The following SVEP1 variants were observed in gnomAD, a reference collection of about 807,000 sequenced individuals.
SVEP1 encodes the protein sushi, von Willebrand factor type A, EGF and pentraxin domain-containing protein 1.
In SVEP1, 164 loss-of-function variants were observed where a neutral mutation model predicts 367.3. That is an observed-to-expected ratio of 0.45 (90% CI 0.39 to 0.51). The LOEUF (loss-of-function observed/expected upper bound fraction) is 0.51, where lower values mean the gene tolerates loss of function less well. Ranked by LOEUF, SVEP1 falls within the 20% of genes least tolerant of loss-of-function variation. SVEP1 has a pLI of 0.00. For synonymous variants in SVEP1, 1,666 were observed against 1,611.6 expected (o/e 1.03, Z -0.81); for missense variants, 4,117 against 4,425.3 (o/e 0.93, Z 1.98).
chr9:110,492,330 A>G (rs1829377929), intron 8 of SVEP1, among the ~76,000 whole-genome samples: 1 of 152,108 alleles, frequency 6.6e-6, no homozygotes, highest in African/African-American at 2.4e-5. Context: ...TATATTAATT[A>G]ATCTATAATA....
chr9:110,401,101 C>T, intron 39 of SVEP1, 92 bp from the exon 40 acceptor site: 2 of 1,492,546 alleles, frequency 1.3e-6, no homozygotes, highest in South Asian at 1.2e-5. Context: ...GCAGAATAAT[C>T]TCCAAAATGA....
At chr9:110,484,204 A>G (rs908783729) in intron 9 of SVEP1, among the ~76,000 whole-genome samples, 31 of 152,290 alleles carry the variant, frequency 2.0e-4, no homozygotes, top group African/African-American at 7.0e-4. Flanking sequence ...TGAGTGGCCT[A>G]TTGCTGGGAG....
intron 16 of SVEP1, 52 bp downstream of exon 16, chr9:110,471,312 T>C (rs533167039): frequency 2.1e-6 from 3 of 1,450,452 alleles, no homozygotes; most frequent in Non-Finnish European, 2.9e-6. Flanking sequence ...TACACCCATC[T>C]CATTTGACCC....
chr9:110,394,399 G>A (rs1229414781), intron 40 of SVEP1, among the ~76,000 whole-genome samples: 2 of 152,004 alleles, frequency 1.3e-5, no homozygotes, highest in Admixed American at 1.3e-4. Context: ...ACAAAGATGG[G>A]AAAAAAACAG....
At position 110,458,579 on chromosome 9, in the gene SVEP1, A is replaced by G. The variant is rs1193277980; in HGVS notation, c.3485-17T>C. ...AACTAAAACCTAATCAATTAATAGA[A>G]AAACATGTCAGTGTGGCAAATATGC... On this transcript the variant is annotated splice_polypyrimidine_tract_variant and intron_variant, in intron 19 of 47. Transcript: ENST00000374469. The G allele has an allele frequency of 1.3e-6, 2 of 1,596,010 alleles. No homozygotes were observed. Among genetic ancestry groups the G allele is most frequent in the East Asian group, 2.2e-5 (1 of 44,464 alleles).
intron 3 of SVEP1, among the ~76,000 whole-genome samples, chr9:110,528,156 G>GTGTGTATATATATATATATA: frequency 9.7e-4 from 33 of 33,926 alleles, no homozygotes; most frequent in South Asian, 1.9e-3. Flanking sequence ...GTGTGTGTGT[G>GTGTGTATATATATATATATA]TATATATATA....
intron 40 of SVEP1, among the ~76,000 whole-genome samples, chr9:110,390,765 A>G (rs1316111937): frequency 6.6e-6 from 1 of 152,128 alleles, no homozygotes; most frequent in Non-Finnish European, 1.5e-5. Flanking sequence ...GAAATATTGA[A>G]TTAATTAGTC....
intron 46 of SVEP1, among the ~76,000 whole-genome samples, chr9:110,373,893 GTTTTTTACTAATCAATCAACTACCA>G (rs1315275161): frequency 6.6e-6 from 1 of 152,138 alleles, no homozygotes; most frequent in African/African-American, 2.4e-5. Context: ...CTAACAGGAT[GTTTTTTACTAATCAATCAACTACCA>G]TTTGTTACTG....
chr9:110,496,839 T>C lies in SVEP1; in HGVS notation c.1776A>G (p.Thr592=), dbSNP rs1477348246. Residue 592 remains threonine (T), a synonymous_variant, in exon 8 of 48, where the codon ACA becomes ACG. Transcript: ENST00000374469. ...CCTTTTCACCAGAGTTGTCTTTAGC[T>C]GTTGGAATCTGCCAGGTAACATTGG... ...DSANVTWQIP[T]AKDNSGEKVS... 5 of 1,556,824 alleles carry C rather than the reference T, an allele frequency of 3.2e-6. No individual in the cohort carries two copies. Among genetic ancestry groups the C allele is most frequent in the Non-Finnish European group, 4.4e-6 (5 of 1,148,874 alleles).
chr9:110,403,777 G>A (rs1688093565), intron 39 of SVEP1, among the ~76,000 whole-genome samples: 1 of 151,836 alleles, frequency 6.6e-6, no homozygotes, highest in Non-Finnish European at 1.5e-5. Context: ...GAAAGACCAA[G>A]GTTGTAGAAG....
chr9:110,459,652 A>G (rs1020358358), intron 18 of SVEP1, among the ~76,000 whole-genome samples: 2 of 152,126 alleles, frequency 1.3e-5, no homozygotes, highest in African/African-American at 4.8e-5. Context: ...AGGTCTAAAG[A>G]TTTGAAAAGA....
chr9:110,429,033 C>T (rs1156402659), intron 35 of SVEP1, 110 bp downstream of exon 35: 3 of 914,898 alleles, frequency 3.3e-6, no homozygotes, highest in Non-Finnish European at 4.7e-6. Flanking sequence ...TGCGCCACTG[C>T]ACTCTAGCCT....
chr9:110,383,285 C>T (rs185264830), intron 43 of SVEP1, among the ~76,000 whole-genome samples: 21 of 145,570 alleles, frequency 1.4e-4, no homozygotes, highest in African/African-American at 5.5e-4. Flanking sequence ...GTTGTTGCTG[C>T]TTTCTCTTTG....
intron 40 of SVEP1, among the ~76,000 whole-genome samples, chr9:110,390,851 C>T (rs1218073129): frequency 1.3e-5 from 2 of 152,062 alleles, no homozygotes; most frequent in Admixed American, 6.6e-5. Context: ...GAAATACCAA[C>T]AGTAGAAAGA....
At chr9:110,574,839 G>A (rs554536994) in intron 1 of SVEP1, among the ~76,000 whole-genome samples, 16 of 140,908 alleles carry the variant, frequency 1.1e-4, no homozygotes, top group Non-Finnish European at 2.1e-4. Context: ...TCCGCCTCCC[G>A]GGTTCACGCC....
rs769671963 is a variant in SVEP1, at chr9:110,550,072, T to G, written c.564A>C (p.Thr188=). The G allele has an allele frequency of 2.5e-6, 4 of 1,614,004 alleles. No individual in the cohort carries two copies. The Admixed American group carries it at 6.7e-5, about 27-fold the overall frequency. ...CATCAGTGATGAGAAATACAACTTT[T>G]GTTGAGTTTTCTCTAGCATGAAGAA... is the stretch of plus-strand genomic sequence containing the variant. The part of the protein sequence containing the change: ...QILLHARENS[T]KVVFLITDGY... Residue 188 remains threonine, a synonymous_variant, in exon 2 of 48, where the codon ACA becomes ACC. Transcript: ENST00000374469.
rs1356188604 is a variant in SVEP1 at position 110,370,024 on chromosome 9, A to T, written c.10601-8T>A. 6.2e-7 allele frequency: 1 copy of T among 1,610,560 alleles called. No individual in the cohort carries two copies. Among genetic ancestry groups the T allele is most frequent in the Non-Finnish European group, 8.5e-7 (1 of 1,177,990 alleles). On this transcript the variant is annotated splice_polypyrimidine_tract_variant and splice_region_variant and intron_variant, in intron 46 of 47. Coordinates refer to ENST00000374469, the MANE Select transcript of SVEP1 (RefSeq NM_153366.4). The stretch of plus-strand genomic sequence containing the variant: ...AGGGAGACTGGCAAACAGCTGGAAT[A>T]AAAAACCCATGCATTTATTTAATTA...
At position 110,411,549 on chromosome 9, in the gene SVEP1, T is replaced by C; in HGVS notation, c.6162A>G (p.Ala2054=). The change falls in exon 37 of 48, where the codon GCA becomes GCG. Residue 2054 remains alanine, a synonymous_variant. Coordinates refer to ENST00000374469, the MANE Select transcript of SVEP1 (RefSeq NM_153366.4). ...FYYCSDGYSL[A]DNSQLLCNAQ... ...CATTGCAGAGAAGCTGGGAATTGTC[T>C]GCTAGGCTGTAACCATCAGAGCAGT... 1.2e-6 allele frequency: 2 copies of C among 1,614,032 alleles called. No homozygotes were observed. The highest frequency in any genetic ancestry group is 8.5e-7 in the Non-Finnish European group (1 of 1,179,900).
intron 46 of SVEP1, 119 bp from the exon 47 acceptor site, chr9:110,370,135 T>C (rs572656549): frequency 3.6e-6 from 3 of 843,004 alleles, no homozygotes; most frequent in Non-Finnish European, 5.7e-6. Context: ...CTGGTCTTCA[T>C]ATACCGTTAG....
Sources: allele counts gnomAD v4.1 joint callset (sites outside exome capture counted in the v4.1 genomes callset), GRCh38; gene constraint gnomAD v4.1.1; transcripts MANE v1.5; gene names NCBI Gene and HGNC (gene_info 2026-07-23, HGNC 2026-07-21).